The following ST6GALNAC5 variants were observed in gnomAD, a reference collection of about 807,000 sequenced individuals.
The protein encoded by ST6GALNAC5 is ST6 N-acetylgalactosaminide alpha-2,6-sialyltransferase 5.
Under a neutral mutation model 33.6 loss-of-function variants are expected in ST6GALNAC5, and 27 were observed. That is an observed-to-expected ratio of 0.80 (90% CI 0.59 to 1.11). The LOEUF (loss-of-function observed/expected upper bound fraction) is 1.11. Ranked by LOEUF, ST6GALNAC5 falls within the 50% of genes least tolerant of loss-of-function variation. The probability of loss-of-function intolerance (pLI) is 0.00; values close to 1 mark genes in which losing one functional copy is unlikely to be tolerated. For missense variants in ST6GALNAC5, 428 were observed against 454.0 expected (o/e 0.94, Z 0.52); for synonymous variants, 194 against 171.2 (o/e 1.13, Z -1.04).
chr1:76,972,643 A>G (rs1432694635), intron 2 of ST6GALNAC5, among the ~76,000 whole-genome samples: 3 of 152,194 alleles, frequency 2.0e-5, no homozygotes, highest in Non-Finnish European at 4.4e-5. Context: ...CATAATACAG[A>G]TGTCATTTTG....
chr1:76,933,636 G>T (rs1647166637), intron 2 of ST6GALNAC5, among the ~76,000 whole-genome samples: 1 of 151,770 alleles, frequency 6.6e-6, no homozygotes, highest in Non-Finnish European at 1.5e-5. Flanking sequence ...CGTAAGAACT[G>T]CTGTGTCCAT....
intron 2 of ST6GALNAC5, among the ~76,000 whole-genome samples, chr1:76,942,906 G>A (rs1647388535): frequency 1.3e-5 from 2 of 152,034 alleles, no homozygotes; most frequent in African/African-American, 4.8e-5. Context: ...ATTTGCCACA[G>A]ATACATAGAA....
At chr1:77,001,973 C>T (rs1045674571) in intron 2 of ST6GALNAC5, among the ~76,000 whole-genome samples, 7 of 152,054 alleles carry the variant, frequency 4.6e-5, no homozygotes, top group African/African-American at 9.7e-5. Flanking sequence ...TGTCTCTGCC[C>T]GGCTTTGCTA....
At chr1:76,886,932 CT>C (rs1229435300) in intron 2 of ST6GALNAC5, among the ~76,000 whole-genome samples, 1 of 152,138 alleles carries the variant, frequency 6.6e-6, no homozygotes, top group Non-Finnish European at 1.5e-5. Flanking sequence ...CTATACCGTA[CT>C]TTGTTTTTCC....
intron 2 of ST6GALNAC5, among the ~76,000 whole-genome samples, chr1:76,989,916 T>A (rs1037701287): frequency 6.6e-6 from 1 of 152,150 alleles, no homozygotes; most frequent in Non-Finnish European, 1.5e-5. Context: ...TGTTCTGAGA[T>A]CTGTCATGGC....
At chr1:76,867,800 G>T (rs1163603555) in intron 1 of ST6GALNAC5, 110 bp downstream of exon 1, 10 of 1,515,464 alleles carry the variant, frequency 6.6e-6, no homozygotes, top group Non-Finnish European at 9.1e-6. Flanking sequence ...CCGCGAGGTC[G>T]CCTGTTACAA....
intron 2 of ST6GALNAC5, among the ~76,000 whole-genome samples, chr1:76,941,433 G>A (rs1007355267): frequency 6.6e-6 from 1 of 152,038 alleles, no homozygotes; most frequent in Non-Finnish European, 1.5e-5. Context: ...AAGAGAACTA[G>A]CTGCTGTTCT....
intron 2 of ST6GALNAC5, among the ~76,000 whole-genome samples, chr1:76,917,155 A>G (rs892362610): frequency 3.9e-5 from 6 of 152,242 alleles, no homozygotes; most frequent in African/African-American, 1.2e-4. Flanking sequence ...CCTGCTTTGA[A>G]CCAAGTTTTT....
chr1:77,054,281 C>A (rs1442042371), intron 4 of ST6GALNAC5, among the ~76,000 whole-genome samples: 1 of 152,188 alleles, frequency 6.6e-6, no homozygotes, highest in African/African-American at 2.4e-5. Context: ...CTGTCTCCAA[C>A]TTTCAAACTG....
At chr1:76,905,953 C>T (rs908270578) in intron 2 of ST6GALNAC5, among the ~76,000 whole-genome samples, 49 of 152,136 alleles carry the variant, frequency 3.2e-4, no homozygotes, top group Admixed American at 6.6e-5. Context: ...TGCCTTCTAT[C>T]GTGCTGTTGC....
rs560573541 is a variant in ST6GALNAC5, at chr1:76,948,972, T to C, written c.261+80230T>C. On this transcript the variant is annotated intron_variant, in intron 2 of 4. Coordinates refer to ENST00000477717, the MANE Select transcript of ST6GALNAC5 (RefSeq NM_030965.3). ...GTCTCCCAAGTGCCAAGTCTTGTAC[T>C]AACTCCATCCTGAGGCTGTGCTTCT... is the stretch of plus-strand genomic sequence containing the variant. Among the ~76,000 whole-genome samples, 43 of 152,282 alleles carry C rather than the reference T, an allele frequency of 2.8e-4. No individual in the cohort carries two copies. The South Asian group carries it at 8.7e-3, about 31-fold the overall frequency.
Position 77,063,379 on chromosome 1 carries a change from G to A in ST6GALNAC5, c.*173G>A, listed in dbSNP as rs2100485992. On this transcript the variant is annotated 3_prime_UTR_variant, in exon 5 of 5. Coordinates refer to ENST00000477717, the MANE Select transcript of ST6GALNAC5 (RefSeq NM_030965.3). ...CAAAGCAGTGCAGTTGGATTGTAAG[G>A]AAAAATTCCGGAATTAATGCATCCT... 1.6e-6 allele frequency: 1 copy of A among 615,694 alleles called. No individual in the cohort carries two copies. Among genetic ancestry groups the A allele is most frequent in the Non-Finnish European group, 2.8e-6 (1 of 351,518 alleles). The allele number at this position is 615,694 out of a possible 1,614,324, so 38.1% of individuals were successfully genotyped here.
chr1:76,895,932 G>A (rs554545197), intron 2 of ST6GALNAC5, among the ~76,000 whole-genome samples: 7 of 152,348 alleles, frequency 4.6e-5, no homozygotes, highest in Admixed American at 3.3e-4. Flanking sequence ...AGAAGGGAAA[G>A]TGGTAAAAGT....
intron 2 of ST6GALNAC5, among the ~76,000 whole-genome samples, chr1:77,014,780 A>G (rs1315249431): frequency 2.0e-5 from 3 of 152,174 alleles, no homozygotes; most frequent in Admixed American, 2.0e-4. Context: ...GAACCACTAG[A>G]CAATAATCAG....
chr1:76,882,099 T>C (rs1466268283), intron 2 of ST6GALNAC5, among the ~76,000 whole-genome samples: 1 of 152,172 alleles, frequency 6.6e-6, no homozygotes, highest in Non-Finnish European at 1.5e-5. Context: ...TATTTAAACA[T>C]CTTATTATTC....
chr1:77,045,529 T>A (rs1343867432), intron 3 of ST6GALNAC5, among the ~76,000 whole-genome samples: 1 of 152,238 alleles, frequency 6.6e-6, no homozygotes, highest in Non-Finnish European at 1.5e-5. Context: ...GTCTCAATCA[T>A]GATGTAAAAA....
intron 2 of ST6GALNAC5, among the ~76,000 whole-genome samples, chr1:76,928,976 A>G (rs1474960539): frequency 1.3e-5 from 2 of 152,138 alleles, no homozygotes; most frequent in Admixed American, 6.5e-5. Flanking sequence ...ATCTTAGCAT[A>G]TTGAGCCATT....
At chr1:77,009,199 C>T (rs1396396033) in intron 2 of ST6GALNAC5, among the ~76,000 whole-genome samples, 2 of 152,152 alleles carry the variant, frequency 1.3e-5, no homozygotes, top group South Asian at 2.1e-4. Flanking sequence ...TGTAACTTTC[C>T]ACCAGACTTT....
chr1:76,868,998 C>T lies in ST6GALNAC5; in HGVS notation c.261+256C>T, dbSNP rs1214753258. 8.0e-6 allele frequency: 4 copies of T among 501,918 alleles called. No homozygotes were observed. The African/African-American group carries it at 8.1e-5, about 10-fold the overall frequency. 31.1% of individuals were successfully genotyped at this position (501,918 alleles called of 1,614,324 possible). A position where few individuals can be genotyped will look rare whatever the true frequency, so the allele number is the denominator to read the frequency against. ...CCTAATTTCCCAGCAGAAATCGGCC[C>T]TGGAACTAGAACTCCCTGATCCCCA... On this transcript the variant is annotated intron_variant, in intron 2 of 4. Coordinates refer to ENST00000477717, the MANE Select transcript of ST6GALNAC5 (RefSeq NM_030965.3). The surrounding 1 kb of genome is among the most constrained non-coding windows in gnomAD (Gnocchi z 4.3).
Sources: allele counts gnomAD v4.1 joint callset (sites outside exome capture counted in the v4.1 genomes callset), GRCh38; gene constraint gnomAD v4.1.1; non-coding constraint Gnocchi (gnomAD v3.1); transcripts MANE v1.5; gene names NCBI Gene and HGNC (gene_info 2026-07-23, HGNC 2026-07-21).